TP53INP1: variants seen among roughly 807,000 people sequenced by gnomAD.
TP53INP1 encodes the protein tumor protein p53-inducible nuclear protein 1.
A neutral mutation model predicts 21.0 loss-of-function variants in TP53INP1; 12 were observed. That is an observed-to-expected ratio of 0.57 (90% CI 0.37 to 0.93). The LOEUF is 0.93. TP53INP1 is among the 40% of genes least tolerant of loss of function. TP53INP1 has a pLI of 0.01. For missense variants in TP53INP1, 274 were observed against 294.7 expected (o/e 0.93, Z 0.51); for synonymous variants, 91 against 94.8 (o/e 0.96, Z 0.23).
chr8:94,941,558 C>G (rs1371731026), intron 1 of TP53INP1, among the ~76,000 whole-genome samples: 1 of 152,212 alleles, frequency 6.6e-6, no homozygotes, highest in Non-Finnish European at 1.5e-5. Flanking sequence ...GTAAGCACAC[C>G]TGATTACACT....
Position 94,929,690 on chromosome 8 carries a change from CAA to C in TP53INP1, c.*787_*788del, listed in dbSNP as rs932793466. ...CAGAATTGGCGGGAAGGAATAGTAA[CAA>C]ATTAAATACTGCACTAATGGGTTAG... On this transcript the variant is annotated 3_prime_UTR_variant, in exon 4 of 4. Coordinates refer to ENST00000342697, the MANE Select transcript of TP53INP1 (RefSeq NM_033285.4). 3 of 152,136 alleles carry C rather than the reference CAA, an allele frequency of 2.0e-5. No homozygotes were observed. Among genetic ancestry groups the C allele is most frequent in the African/African-American group, 7.2e-5 (3 of 41,420 alleles). The allele number at this position is 152,136 out of a possible 1,614,324, so 9.4% of individuals were successfully genotyped here.
At position 94,930,047 on chromosome 8, in the gene TP53INP1, T is replaced by C. The variant is rs1292709931; in HGVS notation, c.*432A>G. 3 of 160,416 alleles carry C rather than the reference T, an allele frequency of 1.9e-5. No individual in the cohort carries two copies. Among genetic ancestry groups the C allele is most frequent in the African/African-American group, 7.2e-5 (3 of 41,562 alleles). 9.9% of individuals were successfully genotyped at this position (160,416 alleles called of 1,614,324 possible). Reference sequence around the variant, plus strand: ...ATGTATTCATCATATACAGAGAGATTATCAAGTACTGGTCAATAAAGTGTA... The same window carrying C: ...ATGTATTCATCATATACAGAGAGATCATCAAGTACTGGTCAATAAAGTGTA... On this transcript the variant is annotated 3_prime_UTR_variant, in exon 4 of 4. Coordinates refer to ENST00000342697, the MANE Select transcript of TP53INP1 (RefSeq NM_033285.4).
At chr8:94,930,779 C>A in intron 3 of TP53INP1, 51 bp from the exon 4 acceptor site, 1 of 1,577,540 alleles carries the variant, frequency 6.3e-7, no homozygotes. Context: ...ATGTTATTAA[C>A]AAAACTGGAA....
intron 3 of TP53INP1, among the ~76,000 whole-genome samples, chr8:94,937,473 G>A (rs949640240): frequency 6.6e-6 from 1 of 151,970 alleles, no homozygotes; most frequent in African/African-American, 2.4e-5. Flanking sequence ...ACAAAATGGG[G>A]GGATAAAAGC....
At chr8:94,947,604 C>T (rs1822135466) in intron 1 of TP53INP1, among the ~76,000 whole-genome samples, 1 of 152,184 alleles carries the variant, frequency 6.6e-6, no homozygotes, top group Non-Finnish European at 1.5e-5. Context: ...AAAAAGTTGT[C>T]TTTGCTTGTT....
chr8:94,937,492 C>T (rs924314221), intron 3 of TP53INP1, among the ~76,000 whole-genome samples: 4 of 151,382 alleles, frequency 2.6e-5, no homozygotes, highest in Admixed American at 1.3e-4. Context: ...GCATGAAGGG[C>T]TGGCTGTCCC....
Position 94,926,169 on chromosome 8 carries a change from A to G in TP53INP1, c.*4310T>C, listed in dbSNP as rs1170715881. 1.3e-5 allele frequency: 2 copies of G among 152,656 alleles called. No homozygotes were observed. The highest frequency in any genetic ancestry group is 2.9e-5 in the Non-Finnish European group (2 of 68,048). 9.5% of individuals were successfully genotyped at this position (152,656 alleles called of 1,614,324 possible). A position where few individuals can be genotyped will look rare whatever the true frequency, so the allele number is the denominator to read the frequency against. On this transcript the variant is annotated 3_prime_UTR_variant, in exon 4 of 4. Transcript: ENST00000342697. ...ATCTATGAACCAATCAGTATAAAAA[A>G]TTTCTATAAAAACAAAATTTAGACC...
Position 94,930,504 on chromosome 8 carries a change from G to A in TP53INP1, c.698C>T (p.Pro233Leu). 2 of 1,614,188 alleles carry A rather than the reference G, an allele frequency of 1.2e-6. No individual in the cohort carries two copies. The highest frequency in any genetic ancestry group is 1.7e-6 in the Non-Finnish European group (2 of 1,180,044). Residue 233 changes from proline to leucine, a missense_variant, in exon 4 of 4, where the codon CCC (proline) becomes CTC (leucine). Physicochemically the swap from Pro to Leu is moderately conservative, Grantham distance 98. Transcript: ENST00000342697. ...VKHNGWVVHQ[P>L]CPRQYNY ...TTAGTAATTGTACTGACGCGGGCAG[G>A]GCTGATGAACAACCCAGCCATTGTG... is the stretch of plus-strand genomic sequence containing the variant.
chr8:94,934,020 T>G (rs1820719045), intron 3 of TP53INP1, among the ~76,000 whole-genome samples: 1 of 151,076 alleles, frequency 6.6e-6, no homozygotes, highest in Admixed American at 6.6e-5. Context: ...GAGGTTGCAG[T>G]GAGCCAAGAT....
chr8:94,937,366 G>A (rs984909584), intron 3 of TP53INP1, among the ~76,000 whole-genome samples: 1 of 151,682 alleles, frequency 6.6e-6, no homozygotes, highest in African/African-American at 2.4e-5. Flanking sequence ...ACTTGAACCC[G>A]GGAGGCAGAG....
chr8:94,927,693 T>C lies in TP53INP1; in HGVS notation c.*2786A>G, dbSNP rs1177409765. On this transcript the variant is annotated 3_prime_UTR_variant, in exon 4 of 4. Transcript: ENST00000342697. ...AAGATATATATTATAAAATGTTTTG[T>C]CAACAAAAACAAACTTTGAGAAACA... 3 of 152,226 alleles carry C rather than the reference T, an allele frequency of 2.0e-5. No individual in the cohort carries two copies. The highest frequency in any genetic ancestry group is 4.4e-5 in the Non-Finnish European group (3 of 68,032). The allele number at this position is 152,226 out of a possible 1,614,324, so 9.4% of individuals were successfully genotyped here.
At position 94,930,634 on chromosome 8, in the gene TP53INP1, G is replaced by A. The variant is rs775456475; in HGVS notation, c.568C>T (p.Arg190Cys). The A allele has an allele frequency of 2.0e-5, 33 of 1,614,116 alleles. No individual in the cohort carries two copies. Among genetic ancestry groups the A allele is most frequent in the Admixed American group, 3.3e-5 (2 of 60,002 alleles). ...TGTTCTTTTATCCACTGGGAAGGGC[G>A]AAAGCTCTTGGGTTGTTCCAGAAAA... The part of the protein sequence containing the change: ...TTFLEQPKSF[R>C]PSQWIKEHSE... Residue 190 changes from arginine to cysteine, a missense_variant, in exon 4 of 4, where the codon CGC (arginine) becomes TGC (cysteine). Physicochemically the swap from Arg to Cys is radical, Grantham distance 180 (BLOSUM62 -3). Coordinates refer to ENST00000342697, the MANE Select transcript of TP53INP1 (RefSeq NM_033285.4).
chr8:94,944,982 T>C (rs1316562768), intron 1 of TP53INP1, among the ~76,000 whole-genome samples: 1 of 152,176 alleles, frequency 6.6e-6, no homozygotes, highest in African/African-American at 2.4e-5. Context: ...CCTCCCCCCA[T>C]TGCTAAAACT....
intron 3 of TP53INP1, chr8:94,932,069 C>T (rs1820463707): frequency 6.2e-7 from 1 of 1,609,790 alleles, no homozygotes; most frequent in South Asian, 1.1e-5. Context: ...AATATACTTA[C>T]TCTGTGCCCG....
At chr8:94,948,052 T>C (rs892391628) in intron 1 of TP53INP1, among the ~76,000 whole-genome samples, 2 of 152,228 alleles carry the variant, frequency 1.3e-5, no homozygotes, top group Non-Finnish European at 2.9e-5. Context: ...CCCAAAACTA[T>C]TGTGCATTGA....
At chr8:94,935,929 T>C (rs1184158595) in intron 3 of TP53INP1, among the ~76,000 whole-genome samples, 1 of 152,168 alleles carries the variant, frequency 6.6e-6, no homozygotes, top group Non-Finnish European at 1.5e-5. Context: ...ATGACAATAT[T>C]AACTGGACAT....
intron 3 of TP53INP1, among the ~76,000 whole-genome samples, chr8:94,937,894 G>A (rs984469043): frequency 2.6e-5 from 4 of 152,170 alleles, no homozygotes; most frequent in African/African-American, 9.7e-5. Flanking sequence ...CTATCTGAAT[G>A]GGAGTGGACT....
At chr8:94,940,602 CT>C (rs1821438297) in intron 2 of TP53INP1, among the ~76,000 whole-genome samples, 1 of 152,106 alleles carries the variant, frequency 6.6e-6, no homozygotes, top group South Asian at 2.1e-4. Context: ...ATGAAGTGCC[CT>C]TGATCTAATC....
At chr8:94,932,976 G>C (rs1040101861) in intron 3 of TP53INP1, among the ~76,000 whole-genome samples, 2 of 152,154 alleles carry the variant, frequency 1.3e-5, no homozygotes, top group African/African-American at 4.8e-5. Context: ...CAGAACTTTG[G>C]GAGGTCAAGG....
Sources: gnomAD v4.1 joint callset for allele counts (sites outside exome capture counted in the v4.1 genomes callset) on GRCh38, gnomAD v4.1.1 for gene constraint, MANE v1.5 for transcripts, NCBI Gene and HGNC (gene_info 2026-07-23, HGNC 2026-07-21) for gene names.